The following ANKS1B variants were observed in gnomAD, a reference collection of about 807,000 sequenced individuals.
ANKS1B encodes the protein ankyrin repeat and sterile alpha motif domain-containing protein 1B.
A neutral mutation model predicts 148.3 loss-of-function variants in ANKS1B; 36 were observed. The observed-to-expected ratio is 0.24, with a 90% CI of 0.19 to 0.32. The LOEUF (loss-of-function observed/expected upper bound fraction) is 0.32, where lower values mean the gene tolerates loss of function less well. ANKS1B is among the 10% of genes least tolerant of loss of function. ANKS1B has a pLI of 1.00. For missense variants in ANKS1B, 1,157 were observed against 1,542.6 expected, an observed-to-expected ratio of 0.75 and a Z score of 4.19; for synonymous variants, 542 against 560.8, an observed-to-expected ratio of 0.97 and a Z score of 0.47.
chr12:99,462,609 A>G (rs185249473), intron 10 of ANKS1B, among the ~76,000 whole-genome samples: 74 of 152,362 alleles, frequency 4.9e-4, no homozygotes, highest in Admixed American at 1.8e-3. Context: ...TTAGGTACTA[A>G]TGACTGAGAC....
intron 14 of ANKS1B, among the ~76,000 whole-genome samples, chr12:99,173,545 A>G (rs1161996611): frequency 6.6e-6 from 1 of 152,196 alleles, no homozygotes; most frequent in East Asian, 1.9e-4. Context: ...TATAACATAA[A>G]CCAAAAACAA....
chr12:99,984,733 G>T lies in ANKS1B; in HGVS notation c.-496C>A, dbSNP rs2095754031. ...TCGCCTCGGCTTCCTCGGCGGTTAC[G>T]CGGGGGCGGCGTCCGCGGCGGGGAG... is the stretch of plus-strand genomic sequence containing the variant. On this transcript the variant is annotated 5_prime_UTR_variant, in exon 1 of 27. Coordinates refer to ENST00000683438, the MANE Select transcript of ANKS1B (RefSeq NM_001352186.2). 14 of 151,090 alleles carry T rather than the reference G, an allele frequency of 9.3e-5. No individual in the cohort carries two copies. In the South Asian group the frequency reaches 2.5e-3, roughly 27 times the overall value. The allele number at this position is 151,090 out of a possible 1,614,324, so 9.4% of individuals were successfully genotyped here. A position where few individuals can be genotyped will look rare whatever the true frequency, so the allele number is the denominator to read the frequency against.
intron 11 of ANKS1B, among the ~76,000 whole-genome samples, chr12:99,408,204 A>G (rs2094578042): frequency 1.4e-5 from 2 of 145,892 alleles, no homozygotes; most frequent in Admixed American, 1.4e-4. Context: ...ATACACTGAC[A>G]GTGAATTCAT....
chr12:98,865,667 T>C (rs930847892), intron 17 of ANKS1B, among the ~76,000 whole-genome samples: 2 of 152,016 alleles, frequency 1.3e-5, no homozygotes, highest in Non-Finnish European at 2.9e-5. Flanking sequence ...AGGTGGAGTG[T>C]GCAGTGTTAA....
At chr12:99,790,101 A>C (rs2065467644) in intron 4 of ANKS1B, among the ~76,000 whole-genome samples, 1 of 152,188 alleles carries the variant, frequency 6.6e-6, no homozygotes, top group African/African-American at 2.4e-5. Context: ...ATAAATAAAT[A>C]ATCCTAAAAG....
At chr12:99,246,062 CA>C (rs2073836445) in intron 13 of ANKS1B, among the ~76,000 whole-genome samples, 1 of 152,036 alleles carries the variant, frequency 6.6e-6, no homozygotes, top group Admixed American at 6.5e-5. Flanking sequence ...TCTATGGAAA[CA>C]ATAGATTAAC....
chr12:99,698,077 A>G (rs2054208414), intron 8 of ANKS1B, among the ~76,000 whole-genome samples: 1 of 152,106 alleles, frequency 6.6e-6, no homozygotes, highest in Non-Finnish European at 1.5e-5. Context: ...GATTTCTCTG[A>G]GTATACCTGT....
chr12:99,404,761 T>C (rs1409618159), intron 11 of ANKS1B, among the ~76,000 whole-genome samples: 2 of 145,626 alleles, frequency 1.4e-5, no homozygotes, highest in African/African-American at 2.6e-5. Flanking sequence ...GAGAACTTCC[T>C]AGACCTAAAG....
At chr12:98,833,378 T>C (rs1191500543) in intron 17 of ANKS1B, among the ~76,000 whole-genome samples, 1 of 152,192 alleles carries the variant, frequency 6.6e-6, no homozygotes, top group African/African-American at 2.4e-5. Flanking sequence ...TACCAGCTTC[T>C]TAAAAACACA....
intron 17 of ANKS1B, among the ~76,000 whole-genome samples, chr12:99,014,839 C>A (rs2099941453): frequency 6.6e-6 from 1 of 151,828 alleles, no homozygotes; most frequent in African/African-American, 2.4e-5. Context: ...TTACACCAGT[C>A]TGACTCTTAC....
rs1034397100 is a variant in ANKS1B, at chr12:99,967,105, A to G, written c.134+16999T>C. The stretch of plus-strand genomic sequence containing the variant: ...AATATTCCAGAGTTTCCCATTCAAT[A>G]AAAGATACTCATGAAATATATAATT... On this transcript the variant is annotated intron_variant, in intron 1 of 26. Coordinates refer to ENST00000683438, the MANE Select transcript of ANKS1B (RefSeq NM_001352186.2). Among the ~76,000 whole-genome samples the G allele has an allele frequency of 3.3e-5, 5 of 152,302 alleles. No homozygotes were observed. The East Asian group carries it at 9.7e-4, about 30-fold the overall frequency.
chr12:99,082,424 T>C (rs1395711570), intron 16 of ANKS1B, among the ~76,000 whole-genome samples: 1 of 152,110 alleles, frequency 6.6e-6, no homozygotes, highest in Non-Finnish European at 1.5e-5. Context: ...TTCTAGGTAG[T>C]GGGACCTTTG....
At chr12:98,780,256 A>T (rs756196512) in intron 24 of ANKS1B, among the ~76,000 whole-genome samples, 3 of 152,204 alleles carry the variant, frequency 2.0e-5, no homozygotes, top group Non-Finnish European at 4.4e-5. Context: ...ACCAATGGTG[A>T]TCACCTCTTT....
chr12:99,119,789 A>G (rs2062287971), intron 15 of ANKS1B, among the ~76,000 whole-genome samples: 1 of 152,200 alleles, frequency 6.6e-6, no homozygotes, highest in Admixed American at 6.5e-5. Context: ...ACTTAATGTC[A>G]TGGATAAGAT....
At chr12:99,521,796 G>A (rs958102639) in intron 9 of ANKS1B, among the ~76,000 whole-genome samples, 8 of 152,096 alleles carry the variant, frequency 5.3e-5, no homozygotes, top group Non-Finnish European at 1.0e-4. Context: ...GCACCCCTGT[G>A]GCCACAGCCA....
At chr12:99,201,921 C>CTTTATTCATTCA (rs2082114257) in intron 14 of ANKS1B, among the ~76,000 whole-genome samples, 1 of 151,116 alleles carries the variant, frequency 6.6e-6, no homozygotes, top group South Asian at 2.1e-4. Context: ...TAATATTTGA[C>CTTTATTCATTCA]TTCATTCATT....
chr12:99,474,848 G>A (rs991260357), intron 10 of ANKS1B, among the ~76,000 whole-genome samples: 10 of 151,964 alleles, frequency 6.6e-5, no homozygotes, highest in African/African-American at 2.2e-4. Context: ...ATATATCAAA[G>A]TGGGAAATTA....
chr12:99,727,417 G>A lies in ANKS1B; in HGVS notation c.1128+45505C>T, dbSNP rs139275900. Among the ~76,000 whole-genome samples, 754 of 151,984 alleles carry A rather than the reference G, an allele frequency of 5.0e-3. 10 individuals carry two copies. The highest frequency in any genetic ancestry group is 0.017 in the African/African-American group (721 of 41,442). On this transcript the variant is annotated intron_variant, in intron 8 of 26. Coordinates refer to ENST00000683438, the MANE Select transcript of ANKS1B (RefSeq NM_001352186.2). The stretch of plus-strand genomic sequence containing the variant: ...GCTATAAAGAGAATAAAATACCTAG[G>A]AATACAGCTAACAAGGGATGTGAAG...
intron 1 of ANKS1B, among the ~76,000 whole-genome samples, chr12:99,964,402 T>C (rs1247656373): frequency 2.0e-5 from 3 of 152,242 alleles, no homozygotes; most frequent in Non-Finnish European, 4.4e-5. Context: ...ATTCCTCTTT[T>C]CCTTCCTTCT....
Sources: allele counts gnomAD v4.1 joint callset (sites outside exome capture counted in the v4.1 genomes callset), GRCh38; gene constraint gnomAD v4.1.1; transcripts MANE v1.5; gene names NCBI Gene and HGNC (gene_info 2026-07-23, HGNC 2026-07-21).